ZPLD1: variants seen among roughly 807,000 people sequenced by gnomAD.
ZPLD1 encodes the protein zona pellucida like domain containing 1.
In ZPLD1, 34 loss-of-function variants were observed where a neutral mutation model predicts 47.2. The ratio of observed to expected loss-of-function variants is 0.72; its 90% CI spans 0.55 to 0.96. ZPLD1 has a LOEUF of 0.96. ZPLD1 is among the 40% of genes least tolerant of loss of function. The pLI, the probability that ZPLD1 is intolerant of heterozygous loss-of-function variation, is 0.00. For missense variants in ZPLD1, 512 were observed against 505.8 expected, an observed-to-expected ratio of 1.01 and a Z score of -0.12; for synonymous variants, 176 against 186.2, an observed-to-expected ratio of 0.95 and a Z score of 0.45.
intron 7 of ZPLD1, among the ~76,000 whole-genome samples, chr3:102,394,190 G>A (rs1291990008): frequency 6.6e-6 from 1 of 152,132 alleles, no homozygotes; most frequent in African/African-American, 2.4e-5. Flanking sequence ...GAAGTTAGAG[G>A]TAGAAAAGAC....
At chr3:102,448,054 A>G (rs1707283994) in intron 3 of ZPLD1, among the ~76,000 whole-genome samples, 2 of 152,222 alleles carry the variant, frequency 1.3e-5, no homozygotes, top group Non-Finnish European at 2.9e-5. Context: ...AATCTGAGAT[A>G]CATAAAACCA....
intron 7 of ZPLD1, among the ~76,000 whole-genome samples, chr3:102,416,538 T>C (rs1008738560): frequency 2.0e-5 from 3 of 151,880 alleles, no homozygotes; most frequent in Non-Finnish European, 4.4e-5. Context: ...AAAACACACA[T>C]GAGTCTCTGG....
At chr3:102,406,982 A>G (rs1271395626) in intron 7 of ZPLD1, among the ~76,000 whole-genome samples, 5 of 151,890 alleles carry the variant, frequency 3.3e-5, no homozygotes, top group Non-Finnish European at 7.4e-5. Context: ...TGAAGTTGTG[A>G]TTACATATCC....
chr3:102,460,747 A>G (rs1416482706), intron 6 of ZPLD1, among the ~76,000 whole-genome samples: 1 of 152,000 alleles, frequency 6.6e-6, no homozygotes, highest in African/African-American at 2.4e-5. Context: ...AAAATTGATG[A>G]TTCATAATTA....
intron 7 of ZPLD1, among the ~76,000 whole-genome samples, chr3:102,396,431 C>T (rs1290430226): frequency 1.3e-5 from 2 of 152,090 alleles, no homozygotes; most frequent in South Asian, 2.1e-4. Flanking sequence ...AAACACCTTT[C>T]ACGCAGACTA....
At chr3:102,421,898 A>G (rs1415741173) in intron 8 of ZPLD1, among the ~76,000 whole-genome samples, 2 of 151,374 alleles carry the variant, frequency 1.3e-5, no homozygotes, top group Non-Finnish European at 1.5e-5. Flanking sequence ...CAATTTCTAG[A>G]CCCCCAAGTC....
intron 4 of ZPLD1, 134 bp downstream of exon 4, chr3:102,453,273 G>A: frequency 1.3e-6 from 1 of 780,326 alleles, no homozygotes. Context: ...TCCTTTGCCT[G>A]TTTGAGGCAT....
chr3:102,418,585 G>A (rs990790901), intron 8 of ZPLD1, among the ~76,000 whole-genome samples: 3 of 152,058 alleles, frequency 2.0e-5, no homozygotes, highest in South Asian at 2.1e-4. Context: ...TTGCCACATC[G>A]TTGTGCTTCA....
At chr3:102,474,442 T>G (rs1707728507) in intron 10 of ZPLD1, among the ~76,000 whole-genome samples, 1 of 152,156 alleles carries the variant, frequency 6.6e-6, no homozygotes, top group African/African-American at 2.4e-5. Flanking sequence ...ACTGGGAGTA[T>G]AGTAGAGAAC....
In ZPLD1 at chr3:102,474,687, C is replaced by T. The variant is rs114189597; in HGVS notation, c.1043-2325C>T. ...ATTTTTAAAATTATTATTTCAACTA[C>T]TTACATGAGAAAGCAGAGAATGACA... On this transcript the variant is annotated intron_variant, in intron 10 of 11. Transcript: ENST00000466937. Among the ~76,000 whole-genome samples, 633 of 152,216 alleles carry T rather than the reference C, an allele frequency of 4.2e-3. 2 individuals are homozygous for T. The highest frequency in any genetic ancestry group is 7.5e-3 in the Non-Finnish European group (507 of 67,996).
At chr3:102,447,666 T>C (rs1576153321) in intron 3 of ZPLD1, among the ~76,000 whole-genome samples, 1 of 152,188 alleles carries the variant, frequency 6.6e-6, no homozygotes, top group Admixed American at 6.5e-5. Flanking sequence ...GAACTGAAAA[T>C]GATGCAGTCT....
At chr3:102,471,269 C>G (rs1008315689) in intron 10 of ZPLD1, among the ~76,000 whole-genome samples, 1 of 152,192 alleles carries the variant, frequency 6.6e-6, no homozygotes, top group Non-Finnish European at 1.5e-5. Flanking sequence ...CAGGGCTCCT[C>G]CCAGACAATT....
At chr3:102,446,060 A>T (rs951666841) in intron 3 of ZPLD1, among the ~76,000 whole-genome samples, 1 of 152,214 alleles carries the variant, frequency 6.6e-6, no homozygotes, top group Non-Finnish European at 1.5e-5. Context: ...TATCAACTGT[A>T]TACATATTTT....
Position 102,435,803 on chromosome 3 carries a change from C to T in ZPLD1, c.-123+649C>T, listed in dbSNP as rs556451628. The stretch of plus-strand genomic sequence containing the variant: ...GACTACAGGCTCCCGCCACCACGCC[C>T]GGCTAATTTTTTGTATTTTTACTAG... On this transcript the variant is annotated intron_variant, in intron 1 of 11. Transcript: ENST00000466937. Among the ~76,000 whole-genome samples the T allele has an allele frequency of 1.1e-4, 17 of 152,064 alleles. No individual in the cohort carries two copies. In the East Asian group the frequency reaches 2.5e-3, roughly 23 times the overall value.
chr3:102,416,425 T>C (rs1457742342), intron 7 of ZPLD1, among the ~76,000 whole-genome samples: 1 of 151,934 alleles, frequency 6.6e-6, no homozygotes, highest in Non-Finnish European at 1.5e-5. Context: ...TGTTGCATTT[T>C]CATTTTAAAT....
intron 3 of ZPLD1, among the ~76,000 whole-genome samples, chr3:102,440,946 A>G (rs149615250): frequency 6.6e-6 from 1 of 152,290 alleles, no homozygotes; most frequent in Non-Finnish European, 1.5e-5. Flanking sequence ...GGTACAGATG[A>G]AGGAGTTAAC....
intron 8 of ZPLD1, among the ~76,000 whole-genome samples, chr3:102,418,923 T>C (rs977947848): frequency 6.6e-6 from 1 of 152,076 alleles, no homozygotes; most frequent in African/African-American, 2.4e-5. Flanking sequence ...TCTCTAAGTT[T>C]CCTTCCATTC....
intron 6 of ZPLD1, among the ~76,000 whole-genome samples, chr3:102,387,923 C>T (rs749384653): frequency 3.8e-5 from 5 of 131,302 alleles, no homozygotes; most frequent in African/African-American, 8.8e-5. Context: ...TGCAGTGGTG[C>T]GATCTCCGCT....
chr3:102,432,129 A>T (rs1003173842), upstream of ZPLD1, among the ~76,000 whole-genome samples: 13 of 151,852 alleles, frequency 8.6e-5, no homozygotes, highest in African/African-American at 3.1e-4. Context: ...AAATACACAC[A>T]TTTTTTTCTC....
Sources: allele counts gnomAD v4.1 joint callset (sites outside exome capture counted in the v4.1 genomes callset), GRCh38; gene constraint gnomAD v4.1.1; transcripts MANE v1.5; gene names NCBI Gene and HGNC (gene_info 2026-07-23, HGNC 2026-07-21).